Variants in CDK11B observed in about 807,000 individuals in gnomAD.
The protein encoded by CDK11B is cyclin-dependent kinase 11B.
CDK11B carries 37 observed loss-of-function variants against 84.0 expected under a neutral mutation model. The ratio of observed to expected loss-of-function variants is 0.44; its 90% confidence interval spans 0.34 to 0.58. The LOEUF (loss-of-function observed/expected upper bound fraction) is 0.58. CDK11B is among the 20% of genes least tolerant of loss of function. The pLI, the probability that CDK11B is intolerant of heterozygous loss-of-function variation, is 0.02. For missense variants in CDK11B, 427 were observed against 834.0 expected, an observed-to-expected ratio of 0.51 and a Z score of 6.01; for synonymous variants, 269 against 309.8, an observed-to-expected ratio of 0.87 and a Z score of 1.38.
chr1:1,652,459 C>G lies in CDK11B; in HGVS notation c.335G>C (p.Arg112Pro). 1 of 1,502,484 alleles carries G rather than the reference C, an allele frequency of 6.7e-7. No homozygotes were observed. The highest frequency in any genetic ancestry group is 8.8e-7 in the Non-Finnish European group (1 of 1,135,310). The allele number at this position is 1,502,484 out of a possible 1,614,324, so 93.1% of individuals were successfully genotyped here. ...DEKRKEKRRH[R>P]SHSAEGGKHA... ...TGTACCCCCTTCTGCTGAATGGCTA[C>G]GATGCCTACGTTTCTCTTTTCTCTT... is the stretch of plus-strand genomic sequence containing the variant. Residue 112 changes from arginine to proline, a missense_variant, in exon 4 of 20, where the codon CGT (arginine) becomes CCT (proline). Physicochemically the swap from Arg to Pro is moderately radical, Grantham distance 103. Coordinates refer to ENST00000341832, the MANE Select transcript of CDK11B (RefSeq NM_033486.3).
rs533936467 is a variant in CDK11B at position 1,636,815 on chromosome 1, G to A, written c.1801-17C>T. 14 of 1,613,828 alleles carry A rather than the reference G, an allele frequency of 8.7e-6. No homozygotes were observed. The African/African-American group carries it at 1.5e-4, about 17-fold the overall frequency. On this transcript the variant is annotated splice_polypyrimidine_tract_variant and intron_variant, in intron 16 of 19. Coordinates refer to ENST00000341832, the MANE Select transcript of CDK11B (RefSeq NM_033486.3). ...GGAGTATTCCTAAGAGGTCAGGAGAGGTGTTCAGGAGGGCCAGTGCCCGCG... is the reference window on the plus strand; with the variant it reads ...GGAGTATTCCTAAGAGGTCAGGAGAAGTGTTCAGGAGGGCCAGTGCCCGCG...
At chr1:1,658,637 C>G (rs1354176561) in intron 1 of CDK11B, among the ~76,000 whole-genome samples, 1 of 147,682 alleles carries the variant, frequency 6.8e-6, no homozygotes, top group African/African-American at 2.5e-5. Context: ...GAGATGTGCT[C>G]GCGAACAAGG....
At chr1:1,650,934 A>G (rs1641926995) in intron 4 of CDK11B, among the ~76,000 whole-genome samples, 2 of 152,226 alleles carry the variant, frequency 1.3e-5, no homozygotes, top group South Asian at 4.1e-4. Flanking sequence ...TTCGTCTTTT[A>G]AAACTTTTCC....
rs1399564989 is a variant in CDK11B, at chr1:1,649,490, C to A, written c.494+9G>T. 3 of 1,562,202 alleles carry A rather than the reference C, an allele frequency of 1.9e-6. No individual in the cohort carries two copies. The African/African-American group carries it at 4.1e-5, about 21-fold the overall frequency. On this transcript the variant is annotated intron_variant, in intron 5 of 19. Transcript: ENST00000341832. ...TTTATAAAGTCCTCAACTGACCCAG[C>A]CGACTCACCTTTCTCTCCTGGAATG...
rs1473407271 is a variant in CDK11B at position 1,636,753 on chromosome 1, C to T, written c.1846G>A (p.Gly616Arg). Residue 616 changes from glycine (G) to arginine (R), a missense_variant, in exon 17 of 20, where the codon GGG (glycine) becomes AGG (arginine). Physicochemically the swap from Gly to Arg is moderately radical, Grantham distance 125. Coordinates refer to ENST00000341832, the MANE Select transcript of CDK11B (RefSeq NM_033486.3). ...VDMWSVGCIF[G>R]ELLTQKPLFP... ...AGAGGCTTCTGAGTCAGCAGCTCCC[C>T]GAAGATGCAACCCACTGACCACATG... The T allele has an allele frequency of 2.5e-6, 4 of 1,613,798 alleles. No homozygotes were observed. The highest frequency in any genetic ancestry group is 2.2e-5 in the East Asian group (1 of 44,888).
chr1:1,639,365 T>C (rs1056737159), intron 11 of CDK11B, among the ~76,000 whole-genome samples: 3 of 151,672 alleles, frequency 2.0e-5, no homozygotes, highest in African/African-American at 7.3e-5. Context: ...TCCAGTGAGC[T>C]ATGATTAAGC....
At chr1:1,649,424 T>C in intron 5 of CDK11B, 75 bp downstream of exon 5, 1 of 1,173,258 alleles carries the variant, frequency 8.5e-7, no homozygotes, top group Non-Finnish European at 1.3e-6. Flanking sequence ...TATTGCCAAA[T>C]TCTTCTTCAT....
intron 1 of CDK11B, among the ~76,000 whole-genome samples, chr1:1,657,895 A>C: frequency 7.6e-6 from 1 of 131,492 alleles, no homozygotes; most frequent in African/African-American, 3.2e-5. Flanking sequence ...ACAAAGTAAG[A>C]CTTGGTTAAA....
At chr1:1,636,545 G>T (rs546190418) in intron 17 of CDK11B, 64 bp from the exon 18 acceptor site, 1 of 1,577,208 alleles carries the variant, frequency 6.3e-7, no homozygotes, top group Non-Finnish European at 8.6e-7. Context: ...CCTGTGTCCC[G>T]TCAGAGAAGA....
Position 1,658,962 on chromosome 1 carries a change from A to C in CDK11B, c.-62T>G. The C allele has an allele frequency of 4.9e-6, 1 of 204,676 alleles. No homozygotes were observed. The highest frequency in any genetic ancestry group is 9.9e-6 in the Non-Finnish European group (1 of 100,918). The allele number at this position is 204,676 out of a possible 1,614,324, so 12.7% of individuals were successfully genotyped here. ...CGCCGCCGCCGCCGGTCCCGGAGCC[A>C]GAGAAGAAACAGCAACCGGCGCGCG... On this transcript the variant is annotated 5_prime_UTR_variant, in exon 1 of 20. Transcript: ENST00000341832.
chr1:1,635,286 G>T lies in CDK11B; in HGVS notation c.*478C>A. 1.5e-5 allele frequency: 1 copy of T among 67,072 alleles called. No individual in the cohort carries two copies. The highest frequency in any genetic ancestry group is 5.6e-4 in the South Asian group (1 of 1,794). The allele number at this position is 67,072 out of a possible 1,614,324, so 4.2% of individuals were successfully genotyped here. A position where few individuals can be genotyped will look rare whatever the true frequency, so the allele number is the denominator to read the frequency against. On this transcript the variant is annotated 3_prime_UTR_variant, in exon 20 of 20. Transcript: ENST00000341832. ...CAACAACCTTGTATAAAAACCTGTC[G>T]AGTCTGCTGGCACAGCTGGGGCTGG...
chr1:1,640,702 G>T (rs566132784), intron 10 of CDK11B, among the ~76,000 whole-genome samples: 1 of 152,164 alleles, frequency 6.6e-6, no homozygotes, highest in Non-Finnish European at 1.5e-5. Flanking sequence ...CCACATCCAC[G>T]TCCACCAGGC....
intron 5 of CDK11B, among the ~76,000 whole-genome samples, chr1:1,648,872 G>A (rs1389342513): frequency 3.3e-5 from 5 of 151,954 alleles, no homozygotes; most frequent in Non-Finnish European, 7.4e-5. Flanking sequence ...AGGCTCAAGG[G>A]ATCCAACCAC....
Position 1,656,986 on chromosome 1 carries a change from CA to C in CDK11B, c.111+388del, listed in dbSNP as rs1642839501. On this transcript the variant is annotated intron_variant, in intron 2 of 19. Coordinates refer to ENST00000341832, the MANE Select transcript of CDK11B (RefSeq NM_033486.3). ...AATTACTAAAAAGGTTTCCTGAGTACATTACCATGCAAACCAAGAAAGATGT... is the reference window on the plus strand; with the variant it reads ...AATTACTAAAAAGGTTTCCTGAGTACTTACCATGCAAACCAAGAAAGATGT... Among the ~76,000 whole-genome samples, 3 of 152,302 alleles carry C rather than the reference CA, an allele frequency of 2.0e-5. No homozygotes were observed. In the South Asian group the frequency reaches 6.2e-4, roughly 32 times the overall value.
intron 3 of CDK11B, among the ~76,000 whole-genome samples, chr1:1,653,852 AC>A (rs1642357288): frequency 4.7e-5 from 7 of 150,374 alleles, no homozygotes; most frequent in East Asian, 2.0e-4. Context: ...ACACACACAC[AC>A]ACACACACAC....
At chr1:1,641,273 C>G (rs1400699506) in intron 9 of CDK11B, among the ~76,000 whole-genome samples, 160 bp from the exon 10 acceptor site, 2 of 146,780 alleles carry the variant, frequency 1.4e-5, no homozygotes, top group Non-Finnish European at 3.1e-5. Flanking sequence ...CTTTGGGAGG[C>G]CAAGGCGGGT....
intron 14 of CDK11B, 33 bp downstream of exon 14, chr1:1,637,375 G>A (rs1238258706): frequency 1.2e-6 from 2 of 1,605,304 alleles, no homozygotes; most frequent in Non-Finnish European, 1.7e-6. Flanking sequence ...GCCCCCACTT[G>A]TACGCAGACA....
rs2100968693 is a variant in CDK11B at position 1,652,423 on chromosome 1, G to C, written c.355+16C>G. The C allele has an allele frequency of 6.7e-7, 1 of 1,488,346 alleles. No individual in the cohort carries two copies. Among genetic ancestry groups the C allele is most frequent in the South Asian group, 1.4e-5 (1 of 70,132 alleles). The allele number at this position is 1,488,346 out of a possible 1,614,324, so 92.2% of individuals were successfully genotyped here. A position where few individuals can be genotyped will look rare whatever the true frequency, so the allele number is the denominator to read the frequency against. ...ACACTTGAACATGATGTCAAAGAAA[G>C]TAAATGCTTCTGTACCCCCTTCTGC... On this transcript the variant is annotated intron_variant, in intron 4 of 19. Transcript: ENST00000341832.
rs184764761 is a variant in CDK11B at position 1,655,574 on chromosome 1, C to G, written c.112-90G>C. On this transcript the variant is annotated intron_variant, in intron 2 of 19. Transcript: ENST00000341832. ...ATTTTTAATGATAATCAAACCTGGG[C>G]AACATCCCAAAACAAACTTTCATAT... The G allele has an allele frequency of 1.3e-4, 194 of 1,449,020 alleles. 2 individuals are homozygous for G. The African/African-American group carries it at 2.3e-3, about 17-fold the overall frequency. The allele number at this position is 1,449,020 out of a possible 1,614,324, so 89.8% of individuals were successfully genotyped here. A position where few individuals can be genotyped will look rare whatever the true frequency, so the allele number is the denominator to read the frequency against.
Sources: gnomAD v4.1 joint callset for allele counts (sites outside exome capture counted in the v4.1 genomes callset) on GRCh38, gnomAD v4.1.1 for gene constraint, MANE v1.5 for transcripts, NCBI Gene and HGNC (gene_info 2026-07-23, HGNC 2026-07-21) for gene names.